EXOC4: variants seen among roughly 807,000 people sequenced by gnomAD.
EXOC4 encodes SEC8-like 1.
EXOC4 carries 71 observed loss-of-function variants against 107.2 expected under a neutral mutation model. The ratio of observed to expected loss-of-function variants is 0.66; its 90% confidence interval spans 0.55 to 0.81. The LOEUF (loss-of-function observed/expected upper bound fraction) is 0.81. Ranked by LOEUF, EXOC4 falls within the 30% of genes least tolerant of loss-of-function variation. The pLI, the probability that EXOC4 is intolerant of heterozygous loss-of-function variation, is 0.00. For missense variants in EXOC4, 1,108 were observed against 1,189.6 expected, an observed-to-expected ratio of 0.93 and a Z score of 1.01; for synonymous variants, 456 against 441.2, an observed-to-expected ratio of 1.03 and a Z score of -0.42.
chr7:133,464,038 A>T (rs906603236), intron 7 of EXOC4, among the ~76,000 whole-genome samples: 6 of 152,216 alleles, frequency 3.9e-5, no homozygotes, highest in Admixed American at 3.9e-4. Flanking sequence ...ATAGATATAT[A>T]CTTACTGGAA....
chr7:133,478,440 G>A (rs901582302), intron 8 of EXOC4, among the ~76,000 whole-genome samples: 5 of 152,140 alleles, frequency 3.3e-5, no homozygotes, highest in African/African-American at 9.7e-5. Context: ...AGATTTGTCT[G>A]TTTCCAGTCT....
At chr7:133,425,287 T>A (rs1334836282) in intron 7 of EXOC4, among the ~76,000 whole-genome samples, 1 of 152,130 alleles carries the variant, frequency 6.6e-6, no homozygotes, top group African/African-American at 2.4e-5. Flanking sequence ...GCCAAGACAC[T>A]TTTTTTGTTC....
At chr7:133,568,291 A>G (rs73726919) in intron 9 of EXOC4, among the ~76,000 whole-genome samples, 5,350 of 150,858 alleles carry the variant, frequency 0.035, 265 homozygotes, top group African/African-American at 0.11. Flanking sequence ...TGAGCTTCCA[A>G]TTTTTTTCCC....
the EXOC4 span, among the ~76,000 whole-genome samples, chr7:134,086,640 G>T: frequency 6.6e-6 from 1 of 152,108 alleles, no homozygotes; most frequent in South Asian, 2.1e-4. Flanking sequence ...AAATAGTATT[G>T]TTACAGGAGA....
chr7:133,889,691 C>G (rs1471846102), intron 11 of EXOC4, among the ~76,000 whole-genome samples: 2 of 88,034 alleles, frequency 2.3e-5, no homozygotes, highest in Non-Finnish European at 4.3e-5. Flanking sequence ...TTTGTTCTTG[C>G]GATAGTTTAC....
intron 5 of EXOC4, among the ~76,000 whole-genome samples, chr7:133,342,010 G>A (rs1191540476): frequency 6.6e-6 from 1 of 152,060 alleles, no homozygotes; most frequent in African/African-American, 2.4e-5. Flanking sequence ...CTTTTACGTG[G>A]AGCGTTTAGG....
At chr7:134,044,964 C>A (rs971316961) in intron 17 of EXOC4, among the ~76,000 whole-genome samples, 1 of 152,142 alleles carries the variant, frequency 6.6e-6, no homozygotes, top group Admixed American at 6.5e-5. Flanking sequence ...GCTATGTAGT[C>A]AAACTTTAAC....
At chr7:134,048,595 T>G (rs1795709767) in intron 17 of EXOC4, among the ~76,000 whole-genome samples, 1 of 152,220 alleles carries the variant, frequency 6.6e-6, no homozygotes, top group African/African-American at 2.4e-5. Context: ...GAGGAACCTT[T>G]GAGTAAAGGG....
At chr7:133,982,181 A>G (rs1486836226) in intron 14 of EXOC4, among the ~76,000 whole-genome samples, 1 of 152,206 alleles carries the variant, frequency 6.6e-6, no homozygotes, top group East Asian at 1.9e-4. Flanking sequence ...TAATCTGTAC[A>G]ACAAACCCCC....
chr7:133,411,018 T>A (rs1797343539), intron 7 of EXOC4, among the ~76,000 whole-genome samples: 2 of 152,158 alleles, frequency 1.3e-5, no homozygotes, highest in South Asian at 4.1e-4. Flanking sequence ...TGATCTTATT[T>A]TATTAAAGTT....
Position 134,005,025 on chromosome 7 carries a change from T to A in EXOC4, c.2462T>A (p.Ile821Asn). 1 of 1,613,620 alleles carries A rather than the reference T, an allele frequency of 6.2e-7. No homozygotes were observed. Among genetic ancestry groups the A allele is most frequent in the Non-Finnish European group, 8.5e-7 (1 of 1,179,668 alleles). ...CTGGTGGTCAAGCTCAACAAAGATA[T>A]CAGCGCCATTGAAGAGGCCATGAGC... ...DPLVVKLNKD[I>N]SAIEEAMSAS... is the part of the protein sequence containing the mutation. Residue 821 changes from isoleucine to asparagine, a missense_variant, in exon 16 of 18, where the codon ATC becomes AAC. Physicochemically the swap from Ile to Asn is moderately radical, Grantham distance 149 (BLOSUM62 -3). Transcript: ENST00000253861.
intron 17 of EXOC4, among the ~76,000 whole-genome samples, chr7:134,035,944 C>T (rs1480185639): frequency 6.6e-6 from 1 of 152,202 alleles, no homozygotes; most frequent in Non-Finnish European, 1.5e-5. Context: ...CTTGATCACA[C>T]ATTCCCCCTA....
At chr7:133,343,633 C>T (rs1295500080) in intron 5 of EXOC4, among the ~76,000 whole-genome samples, 1 of 149,860 alleles carries the variant, frequency 6.7e-6, no homozygotes, top group Non-Finnish European at 1.5e-5. Flanking sequence ...TTTCTTCTCA[C>T]TCGTTCATGT....
At chr7:133,488,319 A>G (rs1453126787) in intron 9 of EXOC4, among the ~76,000 whole-genome samples, 1 of 152,048 alleles carries the variant, frequency 6.6e-6, no homozygotes, top group African/African-American at 2.4e-5. Flanking sequence ...TAGTTATAGA[A>G]CTCTTCTTCT....
intron 10 of EXOC4, among the ~76,000 whole-genome samples, chr7:133,764,531 C>G (rs60243197): frequency 0.015 from 2,352 of 152,096 alleles, 63 homozygotes; most frequent in African/African-American, 0.053. Flanking sequence ...AAAGGTGACA[C>G]TGGAAATTGT....
At chr7:134,000,725 G>A (rs1333523532) in intron 15 of EXOC4, among the ~76,000 whole-genome samples, 1 of 152,122 alleles carries the variant, frequency 6.6e-6, no homozygotes, top group Non-Finnish European at 1.5e-5. Flanking sequence ...TTAGAACGTA[G>A]GCCCGGTTGT....
chr7:133,913,947 G>A (rs1003931890), intron 12 of EXOC4, among the ~76,000 whole-genome samples: 31 of 152,188 alleles, frequency 2.0e-4, no homozygotes, highest in African/African-American at 6.5e-4. Context: ...GGTAAAGAAC[G>A]TGATGCGGAA....
At position 133,443,748 on chromosome 7, in the gene EXOC4, C is replaced by T. The variant is rs961317881; in HGVS notation, c.1183-31580C>T. On this transcript the variant is annotated intron_variant, in intron 7 of 17. Transcript: ENST00000253861. ...ACAGTATCTAAGGACCCCAGAGCTCCATCTTTCTCTCTCAAAGTTATATTC... is the reference window on the plus strand; with the variant it reads ...ACAGTATCTAAGGACCCCAGAGCTCTATCTTTCTCTCTCAAAGTTATATTC... 4.6e-5 allele frequency among the ~76,000 whole-genome samples: 7 copies of T among 152,282 alleles called. No homozygotes were observed. In the East Asian group the frequency reaches 9.7e-4, roughly 21 times the overall value.
In EXOC4 at chr7:133,605,262, C is replaced by T. The variant is rs184636242; in HGVS notation, c.1418-24783C>T. ...AAGAGCAAACAAAACAAAGTTCCTG[C>T]AATCTTTTAATTTTTTTGAATATTT... is the stretch of plus-strand genomic sequence containing the variant. On this transcript the variant is annotated intron_variant, in intron 9 of 17. Coordinates refer to ENST00000253861, the MANE Select transcript of EXOC4 (RefSeq NM_021807.4). 5.9e-5 allele frequency among the ~76,000 whole-genome samples: 9 copies of T among 152,196 alleles called. No homozygotes were observed. In the East Asian group the frequency reaches 1.7e-3, roughly 29 times the overall value.
Sources: allele counts gnomAD v4.1 joint callset (sites outside exome capture counted in the v4.1 genomes callset), GRCh38; gene constraint gnomAD v4.1.1; transcripts MANE v1.5; gene names NCBI Gene and HGNC (gene_info 2026-07-23, HGNC 2026-07-21).